The following SPATA16 variants were observed in gnomAD, a reference collection of about 807,000 sequenced individuals.
SPATA16 encodes spermatogenesis-associated protein 16.
Under a neutral mutation model 63.3 loss-of-function variants are expected in SPATA16, and 36 were observed. The ratio of observed to expected loss-of-function variants is 0.57; its 90% CI spans 0.44 to 0.75. The LOEUF (loss-of-function observed/expected upper bound fraction) is 0.75, where lower values mean the gene tolerates loss of function less well. SPATA16 is among the 30% of genes least tolerant of loss of function. The pLI, the probability that SPATA16 is intolerant of heterozygous loss-of-function variation, is 0.00. For synonymous variants in SPATA16, 203 were observed against 216.7 expected (o/e 0.94, Z 0.56); for missense variants, 646 against 679.3 (o/e 0.95, Z 0.54).
chr3:172,938,989 C>A (rs532603160), intron 6 of SPATA16, among the ~76,000 whole-genome samples: 2 of 152,128 alleles, frequency 1.3e-5, no homozygotes, highest in African/African-American at 4.8e-5. Flanking sequence ...TTTCTGCTGA[C>A]CTCAAATTTT....
At chr3:172,911,367 GT>G (rs1732368662) in intron 10 of SPATA16, among the ~76,000 whole-genome samples, 1 of 152,132 alleles carries the variant, frequency 6.6e-6, no homozygotes, top group African/African-American at 2.4e-5. Flanking sequence ...GGGAGTCTGA[GT>G]TTTGGCTTAG....
At chr3:173,125,780 C>G (rs1738210702) in intron 1 of SPATA16, among the ~76,000 whole-genome samples, 1 of 152,186 alleles carries the variant, frequency 6.6e-6, no homozygotes, top group Non-Finnish European at 1.5e-5. Flanking sequence ...TATTCCCCCA[C>G]CAGAATGTGA....
intron 2 of SPATA16, among the ~76,000 whole-genome samples, chr3:173,061,987 C>G (rs1289646421): frequency 6.6e-6 from 1 of 151,028 alleles, no homozygotes; most frequent in Non-Finnish European, 1.5e-5. Context: ...TATTGAATGA[C>G]AGTAAAAAGT....
chr3:173,100,076 C>G (rs1472208811), intron 2 of SPATA16, among the ~76,000 whole-genome samples: 1 of 152,134 alleles, frequency 6.6e-6, no homozygotes, highest in African/African-American at 2.4e-5. Context: ...GAATGCACTC[C>G]CAGTGTTCAT....
At chr3:173,042,428 T>G (rs867934858) in intron 3 of SPATA16, among the ~76,000 whole-genome samples, 12 of 152,268 alleles carry the variant, frequency 7.9e-5, no homozygotes, top group African/African-American at 2.4e-4. Flanking sequence ...TTCACCATTT[T>G]GGGCAGTCTG....
At chr3:172,993,803 T>C (rs1423512065) in intron 4 of SPATA16, among the ~76,000 whole-genome samples, 1 of 152,154 alleles carries the variant, frequency 6.6e-6, no homozygotes, top group Non-Finnish European at 1.5e-5. Context: ...CTTTGTACCA[T>C]GCTGTTCTGC....
At chr3:172,966,435 T>C (rs781534478) in intron 5 of SPATA16, among the ~76,000 whole-genome samples, 3 of 152,232 alleles carry the variant, frequency 2.0e-5, no homozygotes, top group South Asian at 4.1e-4. Flanking sequence ...TTGTTCCTCA[T>C]AGGTTGTTGG....
chr3:172,965,868 G>A (rs559886193), intron 5 of SPATA16, among the ~76,000 whole-genome samples: 23 of 152,220 alleles, frequency 1.5e-4, no homozygotes, highest in African/African-American at 4.8e-4. Context: ...GAGCCACTGC[G>A]CCCGGCCTTT....
At chr3:173,004,497 T>G (rs538422460) in intron 4 of SPATA16, among the ~76,000 whole-genome samples, 1 of 151,986 alleles carries the variant, frequency 6.6e-6, no homozygotes, top group Admixed American at 6.5e-5. Context: ...CTCAACTCCT[T>G]AAATCAGCCA....
At chr3:172,964,664 A>G (rs1221302184) in intron 5 of SPATA16, among the ~76,000 whole-genome samples, 1 of 152,062 alleles carries the variant, frequency 6.6e-6, no homozygotes, top group Admixed American at 6.5e-5. Flanking sequence ...GAAGGTAGGT[A>G]TTTCTTTTCC....
intron 5 of SPATA16, among the ~76,000 whole-genome samples, chr3:172,961,231 T>G (rs1733778549): frequency 6.6e-6 from 1 of 152,110 alleles, no homozygotes. Flanking sequence ...GAAAATGTGA[T>G]GATGATTATT....
chr3:173,021,403 T>C (rs1015043670), intron 3 of SPATA16, among the ~76,000 whole-genome samples: 8 of 152,214 alleles, frequency 5.3e-5, no homozygotes, highest in African/African-American at 1.9e-4. Context: ...CAAGGATTTT[T>C]GCAAATGAAT....
intron 2 of SPATA16, among the ~76,000 whole-genome samples, chr3:173,098,449 T>C (rs1438796682): frequency 6.6e-6 from 1 of 152,116 alleles, no homozygotes; most frequent in Non-Finnish European, 1.5e-5. Flanking sequence ...AAAGCTACAA[T>C]GGATAAGTTA....
chr3:173,000,230 A>T (rs1232097960), intron 4 of SPATA16, among the ~76,000 whole-genome samples: 1 of 152,222 alleles, frequency 6.6e-6, no homozygotes, highest in Admixed American at 6.5e-5. Flanking sequence ...TCTTCACTAG[A>T]CACAGAATTT....
chr3:173,010,104 C>T (rs1197406030), intron 4 of SPATA16, among the ~76,000 whole-genome samples: 1 of 152,210 alleles, frequency 6.6e-6, no homozygotes, highest in Non-Finnish European at 1.5e-5. Flanking sequence ...GGAGTAGCCT[C>T]TGACACTCAG....
chr3:173,134,603 G>A (rs1221641857), intron 1 of SPATA16, among the ~76,000 whole-genome samples: 2 of 152,146 alleles, frequency 1.3e-5, no homozygotes, highest in Admixed American at 6.5e-5. Context: ...TGCAGCATGA[G>A]TTCCTCACCA....
At chr3:173,000,881 A>AT (rs1034099965) in intron 4 of SPATA16, among the ~76,000 whole-genome samples, 15 of 151,530 alleles carry the variant, frequency 9.9e-5, no homozygotes, top group Non-Finnish European at 2.2e-4. Flanking sequence ...TTTCTGTTTG[A>AT]TTTTTTTCTT....
chr3:173,017,107 G>T (rs938440893), intron 4 of SPATA16, among the ~76,000 whole-genome samples: 2 of 152,038 alleles, frequency 1.3e-5, no homozygotes, highest in African/African-American at 4.8e-5. Context: ...TATGTTCACA[G>T]TTCATAGCAT....
chr3:172,927,777 CATGCCATA>C (rs1421482420), intron 6 of SPATA16, among the ~76,000 whole-genome samples: 2 of 152,200 alleles, frequency 1.3e-5, no homozygotes, highest in Non-Finnish European at 2.9e-5. Context: ...CGACGGGAAA[CATGCCATA>C]GGAATGCCAG....
Sources: gnomAD v4.1 joint callset for allele counts (sites outside exome capture counted in the v4.1 genomes callset) on GRCh38, gnomAD v4.1.1 for gene constraint, MANE v1.5 for transcripts, NCBI Gene and HGNC (gene_info 2026-07-23, HGNC 2026-07-21) for gene names.